The following PRKAG2 variants were observed in gnomAD, a reference collection of about 807,000 sequenced individuals.
PRKAG2 encodes 5'-AMP-activated protein kinase subunit gamma-2.
PRKAG2 carries 26 observed loss-of-function variants against 69.6 expected under a neutral mutation model. The observed-to-expected ratio is 0.37, with a 90% CI of 0.27 to 0.52. The LOEUF (loss-of-function observed/expected upper bound fraction) is 0.52. Ranked by LOEUF, PRKAG2 falls within the 20% of genes least tolerant of loss-of-function variation. The pLI is 0.90. For synonymous variants in PRKAG2, 293 were observed against 285.0 expected (o/e 1.03, Z -0.28); for missense variants, 557 against 740.0 (o/e 0.75, Z 2.87).
intron 4 of PRKAG2, among the ~76,000 whole-genome samples, chr7:151,647,798 A>G (rs1049034844): frequency 7.2e-5 from 11 of 152,238 alleles, no homozygotes; most frequent in South Asian, 4.1e-4. Flanking sequence ...AAAAATCCTA[A>G]TATCTGCATA....
intron 6 of PRKAG2, among the ~76,000 whole-genome samples, chr7:151,585,756 C>T (rs1368339360): frequency 3.9e-5 from 6 of 152,192 alleles, no homozygotes; most frequent in Admixed American, 2.0e-4. Context: ...AGCTGAAGAG[C>T]GTGGGGCACA....
intron 3 of PRKAG2, among the ~76,000 whole-genome samples, chr7:151,773,926 G>A (rs529973623): frequency 1.3e-5 from 2 of 152,328 alleles, no homozygotes; most frequent in East Asian, 3.9e-4. Context: ...TTCTGCTGTT[G>A]AAGTGTGGAA....
Position 151,781,568 on chromosome 7 carries a change from T to A in PRKAG2, c.187-137A>T. 8.9e-7 allele frequency: 1 copy of A among 1,129,444 alleles called. No homozygotes were observed. 70.0% of individuals were successfully genotyped at this position (1,129,444 alleles called of 1,614,324 possible). The stretch of plus-strand genomic sequence containing the variant: ...CCCTCCCAGAGAAACAGCCCTAAGC[T>A]CTTCCACAGAGGTAGCCACTGAATG... On this transcript the variant is annotated intron_variant, in intron 2 of 15. Coordinates refer to ENST00000287878, the MANE Select transcript of PRKAG2 (RefSeq NM_016203.4). This position sits in a 1 kb window ranked among gnomAD's most constrained non-coding sequence, Gnocchi z 6.1.
chr7:151,682,498 A>G (rs979657630), intron 3 of PRKAG2, among the ~76,000 whole-genome samples: 3 of 152,140 alleles, frequency 2.0e-5, no homozygotes, highest in African/African-American at 7.2e-5. Flanking sequence ...TCAGCCTCCC[A>G]AAGTGCTGGG....
At chr7:151,827,373 G>A (rs1586677012) in intron 1 of PRKAG2, among the ~76,000 whole-genome samples, 1 of 152,114 alleles carries the variant, frequency 6.6e-6, no homozygotes, top group African/African-American at 2.4e-5. Flanking sequence ...GGAGTAGCCA[G>A]GATTACAGGT....
chr7:151,632,341 G>A lies in PRKAG2; in HGVS notation c.685-203C>T, dbSNP rs1214471879. 1 of 646,750 alleles carries A rather than the reference G, an allele frequency of 1.5e-6. No individual in the cohort carries two copies. Among genetic ancestry groups the A allele is most frequent in the Non-Finnish European group, 1.9e-6 (1 of 523,304 alleles). 40.1% of individuals were successfully genotyped at this position (646,750 alleles called of 1,614,324 possible). A position where few individuals can be genotyped will look rare whatever the true frequency, so the allele number is the denominator to read the frequency against. On this transcript the variant is annotated intron_variant, in intron 4 of 15. Transcript: ENST00000287878. The surrounding 1 kb of genome is among the most constrained non-coding windows in gnomAD (Gnocchi z 4.2). ...CCCGAGGCCGCCGCCGCCGCCGCAG[G>A]TGGCGCGGCCGCGGCCCGCGTGCCC...
chr7:151,855,578 ACACACACACCACCC>A (rs2079750252), intron 1 of PRKAG2, among the ~76,000 whole-genome samples: 1 of 45,420 alleles, frequency 2.2e-5, no homozygotes, highest in African/African-American at 8.7e-5. Context: ...ACACCACCCT[ACACACACACCACCC>A]TCCACACACG....
intron 14 of PRKAG2, among the ~76,000 whole-genome samples, chr7:151,563,588 G>A (rs887695455): frequency 6.6e-6 from 1 of 152,038 alleles, no homozygotes. Context: ...CAGATACATC[G>A]ATCTATTTAG....
At chr7:151,844,402 C>G (rs1374266786) in intron 1 of PRKAG2, among the ~76,000 whole-genome samples, 1 of 152,064 alleles carries the variant, frequency 6.6e-6, no homozygotes, top group East Asian at 1.9e-4. Flanking sequence ...CGGAAGAGGA[C>G]CCATCACATG....
At chr7:151,735,661 C>T (rs1396770859) in intron 3 of PRKAG2, among the ~76,000 whole-genome samples, 1 of 152,222 alleles carries the variant, frequency 6.6e-6, no homozygotes, top group Non-Finnish European at 1.5e-5. Flanking sequence ...CTCCCTGGGC[C>T]AGGTGGGGCA....
intron 3 of PRKAG2, among the ~76,000 whole-genome samples, chr7:151,682,406 A>T (rs1834013709): frequency 6.6e-6 from 1 of 151,948 alleles, no homozygotes; most frequent in South Asian, 2.1e-4. Context: ...ACACCAGCTA[A>T]TTTTTTTATT....
intron 3 of PRKAG2, among the ~76,000 whole-genome samples, chr7:151,692,683 G>A (rs1443975725): frequency 2.0e-5 from 3 of 152,166 alleles, no homozygotes; most frequent in African/African-American, 7.2e-5. Context: ...GGGGAAGCAG[G>A]TGCTTTTCCC....
intron 5 of PRKAG2, among the ~76,000 whole-genome samples, chr7:151,610,397 G>A (rs148429946): frequency 9.5e-4 from 139 of 145,594 alleles, no homozygotes; most frequent in African/African-American, 3.5e-3. Context: ...TTTTAGTGTG[G>A]GCTGGGCGCG....
intron 1 of PRKAG2, among the ~76,000 whole-genome samples, chr7:151,801,052 C>G (rs781063802): frequency 1.8e-4 from 28 of 152,306 alleles, no homozygotes; most frequent in Non-Finnish European, 2.6e-4. Flanking sequence ...CAGCAAATGG[C>G]CAGAGATGGC....
chr7:151,574,976 A>G (rs765315764), intron 7 of PRKAG2, 27 bp from the exon 8 acceptor site: 2 of 1,611,418 alleles, frequency 1.2e-6, no homozygotes, highest in South Asian at 1.1e-5. Flanking sequence ...CATGTTACAA[A>G]TAAAACCATG....
chr7:151,741,300 A>G (rs1173863381), intron 3 of PRKAG2, among the ~76,000 whole-genome samples: 2 of 152,248 alleles, frequency 1.3e-5, no homozygotes, highest in Non-Finnish European at 2.9e-5. Flanking sequence ...AATAAGAAAG[A>G]GGCAGATTTG....
At chr7:151,580,160 G>A (rs766450429) in intron 6 of PRKAG2, among the ~76,000 whole-genome samples, 13 of 152,000 alleles carry the variant, frequency 8.6e-5, no homozygotes, top group South Asian at 4.2e-4. Flanking sequence ...CCTGGCCAAC[G>A]TGATGAAAAA....
intron 3 of PRKAG2, among the ~76,000 whole-genome samples, chr7:151,740,279 G>T (rs1475341327): frequency 6.6e-6 from 1 of 152,158 alleles, no homozygotes; most frequent in Non-Finnish European, 1.5e-5. Flanking sequence ...ATCCCTGCAG[G>T]GTTGCTCTGG....
chr7:151,874,266 A>G, intron 1 of PRKAG2, among the ~76,000 whole-genome samples: 1 of 109,000 alleles, frequency 9.2e-6, no homozygotes, highest in African/African-American at 4.0e-5. Flanking sequence ...ATGTATATGT[A>G]TATGTATATG....
Sources: gnomAD v4.1 joint callset for allele counts (sites outside exome capture counted in the v4.1 genomes callset) on GRCh38, gnomAD v4.1.1 for gene constraint, Gnocchi (gnomAD v3.1) non-coding constraint, MANE v1.5 for transcripts, NCBI Gene and HGNC (gene_info 2026-07-23, HGNC 2026-07-21) for gene names.